RPS6KC1: variants seen among roughly 807,000 people sequenced by gnomAD.
The protein encoded by RPS6KC1 is inactive ribosomal protein S6 kinase delta-1.
RPS6KC1 carries 54 observed loss-of-function variants against 103.8 expected under a neutral mutation model. The observed-to-expected ratio is 0.52, with a 90% CI of 0.42 to 0.65. The LOEUF (loss-of-function observed/expected upper bound fraction) is 0.65, where lower values mean the gene tolerates loss of function less well. RPS6KC1 is among the 30% of genes least tolerant of loss of function. The probability of loss-of-function intolerance (pLI) is 0.00; values close to 1 mark genes in which losing one functional copy is unlikely to be tolerated. For synonymous variants in RPS6KC1, 439 were observed against 438.7 expected, an observed-to-expected ratio of 1.00 and a Z score of -0.01; for missense variants, 1,151 against 1,253.8, an observed-to-expected ratio of 0.92 and a Z score of 1.24.
the RPS6KC1 span, among the ~76,000 whole-genome samples, chr1:213,369,426 A>G: frequency 6.6e-6 from 1 of 152,216 alleles, no homozygotes; most frequent in Non-Finnish European, 1.5e-5. Context: ...CCCTGGCCCT[A>G]TGGGGCCAAA....
At chr1:213,170,653 G>T (rs2091400036) in intron 7 of RPS6KC1, among the ~76,000 whole-genome samples, 1 of 152,236 alleles carries the variant, frequency 6.6e-6, no homozygotes, top group South Asian at 2.1e-4. Flanking sequence ...AAGGAGGCTA[G>T]AGGAGAGTAG....
the RPS6KC1 span, among the ~76,000 whole-genome samples, chr1:213,716,737 T>C: frequency 6.6e-6 from 1 of 152,202 alleles, no homozygotes; most frequent in Admixed American, 6.5e-5. Flanking sequence ...GATAAATTAC[T>C]TGGGAGCAGT....
chr1:213,658,437 A>G, the RPS6KC1 span, among the ~76,000 whole-genome samples: 2 of 152,174 alleles, frequency 1.3e-5, no homozygotes, highest in African/African-American at 4.8e-5. Flanking sequence ...CAGAAGGAGG[A>G]TCAAAGGTGG....
At chr1:213,365,427 T>C in the RPS6KC1 span, among the ~76,000 whole-genome samples, 3 of 152,268 alleles carry the variant, frequency 2.0e-5, no homozygotes, top group Admixed American at 6.5e-5. Flanking sequence ...AGAATTACAC[T>C]GCTCTTTTCC....
At chr1:213,266,902 T>TCAAACAAA in intron 14 of RPS6KC1, among the ~76,000 whole-genome samples, 1 of 147,946 alleles carries the variant, frequency 6.8e-6, no homozygotes, top group Middle Eastern at 3.4e-3. Flanking sequence ...AGGCTCCGTC[T>TCAAACAAA]CAAACAAACA....
the RPS6KC1 span, among the ~76,000 whole-genome samples, chr1:213,281,363 C>T: frequency 2.0e-5 from 3 of 152,214 alleles, no homozygotes; most frequent in Non-Finnish European, 4.4e-5. Context: ...TCATCTCTTC[C>T]TTCAAACCCT....
At chr1:213,749,076 A>T in the RPS6KC1 span, among the ~76,000 whole-genome samples, 1 of 152,314 alleles carries the variant, frequency 6.6e-6, no homozygotes, top group Admixed American at 6.5e-5. Context: ...GGGATAATCA[A>T]TTTATTCATA....
intron 6 of RPS6KC1, among the ~76,000 whole-genome samples, chr1:213,164,389 A>G (rs1347453043): frequency 1.3e-5 from 2 of 152,090 alleles, no homozygotes; most frequent in East Asian, 1.9e-4. Context: ...CCTCATATCT[A>G]CTCAGCTACT....
chr1:213,175,764 CTT>C (rs2091826667), intron 7 of RPS6KC1, among the ~76,000 whole-genome samples: 1 of 152,090 alleles, frequency 6.6e-6, no homozygotes, highest in African/African-American at 2.4e-5. Context: ...ATTTCTTTCT[CTT>C]ACAAATCATC....
At chr1:213,265,800 C>A (rs553298229) in intron 14 of RPS6KC1, among the ~76,000 whole-genome samples, 17 of 152,274 alleles carry the variant, frequency 1.1e-4, no homozygotes, top group African/African-American at 4.1e-4. Flanking sequence ...TGGTAATACC[C>A]AAGTGAAGTA....
chr1:213,632,593 C>T, the RPS6KC1 span, among the ~76,000 whole-genome samples: 1 of 152,252 alleles, frequency 6.6e-6, no homozygotes, highest in Non-Finnish European at 1.5e-5. Context: ...CCAGGAGAAT[C>T]TAGAGCAGAA....
At chr1:213,630,044 A>G in the RPS6KC1 span, among the ~76,000 whole-genome samples, 4 of 152,170 alleles carry the variant, frequency 2.6e-5, no homozygotes, top group African/African-American at 9.7e-5. Context: ...ACTTTGGTGA[A>G]TCTGACAATT....
rs867746541 is a variant in RPS6KC1, at chr1:213,070,936, G to A, written c.106-70G>A. The A allele has an allele frequency of 8.5e-6, 8 of 939,610 alleles. No individual in the cohort carries two copies. The Middle Eastern group carries it at 7.8e-4, about 91-fold the overall frequency. The allele number at this position is 939,610 out of a possible 1,614,324, so 58.2% of individuals were successfully genotyped here. On this transcript the variant is annotated intron_variant, in intron 1 of 14. Coordinates refer to ENST00000366960, the MANE Select transcript of RPS6KC1 (RefSeq NM_012424.6). ...ATTTTTCATACAAATACTATTGGAA[G>A]TTAATTATACAAATATGAAATCTTA...
At chr1:213,081,668 T>C (rs1398068740) in intron 3 of RPS6KC1, among the ~76,000 whole-genome samples, 5 of 151,010 alleles carry the variant, frequency 3.3e-5, no homozygotes, top group Non-Finnish European at 5.9e-5. Flanking sequence ...TTTTTTTTTT[T>C]CCTTTCTCTT....
At chr1:213,390,193 C>G in the RPS6KC1 span, among the ~76,000 whole-genome samples, 1 of 152,194 alleles carries the variant, frequency 6.6e-6, no homozygotes, top group Non-Finnish European at 1.5e-5. Flanking sequence ...CTCCCCCACC[C>G]CAGTTAAGTT....
At chr1:213,691,403 G>A in the RPS6KC1 span, among the ~76,000 whole-genome samples, 2 of 152,146 alleles carry the variant, frequency 1.3e-5, no homozygotes, top group Non-Finnish European at 2.9e-5. Flanking sequence ...CTCTGCAATT[G>A]TACATTACGC....
At chr1:213,704,398 A>C in the RPS6KC1 span, among the ~76,000 whole-genome samples, 3 of 150,012 alleles carry the variant, frequency 2.0e-5, no homozygotes, top group Non-Finnish European at 3.0e-5. Flanking sequence ...AAAAAAAAAA[A>C]AAAAAAAAAA....
chr1:213,832,230 G>T, the RPS6KC1 span, among the ~76,000 whole-genome samples: 2 of 152,228 alleles, frequency 1.3e-5, no homozygotes, highest in South Asian at 4.1e-4. Context: ...TTAACCTTAG[G>T]GGGAAGAAGC....
the RPS6KC1 span, among the ~76,000 whole-genome samples, chr1:213,859,775 T>G: frequency 2.0e-5 from 3 of 152,224 alleles, no homozygotes; most frequent in African/African-American, 7.2e-5. Context: ...CTTTTGCTTT[T>G]GGAACTTTTT....
Sources: allele counts gnomAD v4.1 joint callset (sites outside exome capture counted in the v4.1 genomes callset), GRCh38; gene constraint gnomAD v4.1.1; transcripts MANE v1.5; gene names NCBI Gene and HGNC (gene_info 2026-07-23, HGNC 2026-07-21).